Variants in C5orf58 observed in about 807,000 individuals in gnomAD.
The protein encoded by C5orf58 is putative uncharacterized protein C5orf58.
Under a neutral mutation model 2.9 loss-of-function variants are expected in C5orf58, and 2 were observed. The observed-to-expected ratio is 0.69, with a 90% confidence interval of 0.28 to 2.18. The LOEUF is 2.18. Among genes scored for constraint, C5orf58 ranks in the 30% most tolerant of loss-of-function variants. The probability of loss-of-function intolerance (pLI) is 0.13; values close to 1 mark genes in which losing one functional copy is unlikely to be tolerated. For missense variants in C5orf58, 96 were observed against 91.7 expected, an observed-to-expected ratio of 1.05 and a Z score of -0.19; for synonymous variants, 37 against 33.4, an observed-to-expected ratio of 1.11 and a Z score of -0.37.
rs539128245 is a variant in C5orf58 at position 170,245,835 on chromosome 5, T to A, written c.95-127T>A. 4.4e-6 allele frequency: 4 copies of A among 915,146 alleles called. No individual in the cohort carries two copies. In the African/African-American group the frequency reaches 6.6e-5, roughly 15 times the overall value. The allele number at this position is 915,146 out of a possible 1,614,324, so 56.7% of individuals were successfully genotyped here. A position where few individuals can be genotyped will look rare whatever the true frequency, so the allele number is the denominator to read the frequency against. ...TATTTTAAGTCAGAATGGGACACACTTAAGTTGTGGTTTGATCACTAATCA... is the reference window on the plus strand; with the variant it reads ...TATTTTAAGTCAGAATGGGACACACATAAGTTGTGGTTTGATCACTAATCA... On this transcript the variant is annotated intron_variant, in intron 3 of 3. Coordinates refer to ENST00000593851, the MANE Select transcript of C5orf58 (RefSeq NM_001102609.3).
chr5:170,242,925 ATT>A (rs1761084635), intron 3 of C5orf58, among the ~76,000 whole-genome samples: 3 of 138,872 alleles, frequency 2.2e-5, no homozygotes, highest in Admixed American at 2.2e-4. Context: ...AGTGCTATAA[ATT>A]TCCCTCTACA....
downstream of C5orf58, chr5:170,248,579 T>G: frequency 1.9e-6 from 2 of 1,025,994 alleles, no homozygotes; most frequent in East Asian, 5.0e-5. Flanking sequence ...GATAAAACCC[T>G]TGTGTTCATG....
intron 3 of C5orf58, among the ~76,000 whole-genome samples, chr5:170,242,412 C>T (rs1247462748): frequency 8.1e-6 from 1 of 123,714 alleles, no homozygotes; most frequent in Admixed American, 8.4e-5. Flanking sequence ...TGGTCCTGGA[C>T]TCTTTTTGGT....
At chr5:170,248,369 C>T (rs1160333437), downstream of C5orf58, 1 of 212,804 alleles carries the variant, frequency 4.7e-6, no homozygotes, top group Non-Finnish European at 9.4e-6. Context: ...TAAAACTTGC[C>T]CCAAATTGTT....
downstream of C5orf58, chr5:170,247,197 T>C (rs897932250): frequency 6.6e-6 from 1 of 152,212 alleles, no homozygotes; most frequent in Non-Finnish European, 1.5e-5. Context: ...ACTTGCTGAA[T>C]AGCCCGTTGT....
intron 3 of C5orf58, among the ~76,000 whole-genome samples, chr5:170,242,994 T>C (rs1197541090): frequency 6.9e-6 from 1 of 145,250 alleles, no homozygotes; most frequent in African/African-American, 2.6e-5. Context: ...TTCTCGTTGG[T>C]TTCAAAGAAC....
chr5:170,246,367 G>A, downstream of C5orf58: 1 of 276,062 alleles, frequency 3.6e-6, no homozygotes. Flanking sequence ...GGCTCAGGTT[G>A]AAAGAGAGCT....
chr5:170,249,462 C>G (rs377556287), downstream of C5orf58, among the ~76,000 whole-genome samples: 7 of 151,590 alleles, frequency 4.6e-5, no homozygotes, highest in African/African-American at 1.7e-4. Context: ...TAAATAGTCA[C>G]TATTACAATA....
rs369172790 is a variant in C5orf58 at position 170,246,128 on chromosome 5, T to G, written c.*15T>G. 1.9e-6 allele frequency: 3 copies of G among 1,598,480 alleles called. No individual in the cohort carries two copies. Among genetic ancestry groups the G allele is most frequent in the African/African-American group, 1.3e-5 (1 of 74,370 alleles). ...TTTCTATCTGATTTCTTATTTGTTA[T>G]GAGTTTCTGTTTTATTGTTGAACTA... On this transcript the variant is annotated 3_prime_UTR_variant, in exon 4 of 4. Transcript: ENST00000593851.
chr5:170,233,656 A>T (rs1055443376), intron 1 of C5orf58: 2 of 166,130 alleles, frequency 1.2e-5, no homozygotes, highest in Non-Finnish European at 1.3e-5. Flanking sequence ...TGGCCCCTAC[A>T]GTCTGGTCTC....
chr5:170,233,944 G>C, intron 1 of C5orf58, 171 bp from the exon 2 acceptor site: 1 of 371,200 alleles, frequency 2.7e-6, no homozygotes. Context: ...CCTTGTTTTT[G>C]AAGTTCTTTA....
chr5:170,237,638 G>A (rs1163047957), intron 3 of C5orf58, among the ~76,000 whole-genome samples: 1 of 152,146 alleles, frequency 6.6e-6, no homozygotes, highest in African/African-American at 2.4e-5. Flanking sequence ...TCAATTCATG[G>A]TGGCACCAGG....
intron 3 of C5orf58, 85 bp downstream of exon 3, chr5:170,235,155 G>C: frequency 1.4e-6 from 1 of 709,200 alleles, no homozygotes; most frequent in Middle Eastern, 2.4e-4. Context: ...TGGGGTATAA[G>C]TAAATTTTGC....
chr5:170,248,689 AT>A (rs80044664), downstream of C5orf58: 812,716 of 1,610,842 alleles, frequency 0.5, 206,226 homozygotes, highest in Non-Finnish European at 0.52. Flanking sequence ...TTGCTCGGCT[AT>A]AACTTGCTAT....
rs534197817 is a variant in C5orf58 at position 170,245,148 on chromosome 5, G to C, written c.95-814G>C. On this transcript the variant is annotated intron_variant, in intron 3 of 3. Coordinates refer to ENST00000593851, the MANE Select transcript of C5orf58 (RefSeq NM_001102609.3). The stretch of plus-strand genomic sequence containing the variant: ...TGCCCGTTCTCAGATCTCCAGCTGC[G>C]TGCTGGGAGAACCACTGCTCTCTTC... 2.5e-3 allele frequency among the ~76,000 whole-genome samples: 379 copies of C among 152,268 alleles called. 7 individuals are homozygous for C. In the East Asian group the frequency reaches 0.053, roughly 21 times the overall value.
intron 3 of C5orf58, among the ~76,000 whole-genome samples, chr5:170,241,590 G>A (rs994869268): frequency 2.4e-4 from 36 of 151,440 alleles, no homozygotes; most frequent in African/African-American, 8.8e-4. Flanking sequence ...TCTGTTATTG[G>A]TGTATAAGAA....
chr5:170,241,670 A>AT (rs1761014192), intron 3 of C5orf58, among the ~76,000 whole-genome samples: 1 of 149,422 alleles, frequency 6.7e-6, no homozygotes, highest in South Asian at 2.1e-4. Context: ...GCTTAAGGAG[A>AT]TTTTGGGCTG....
intron 3 of C5orf58, among the ~76,000 whole-genome samples, chr5:170,242,094 A>G (rs1298886734): frequency 1.4e-5 from 2 of 147,924 alleles, no homozygotes; most frequent in Admixed American, 1.3e-4. Flanking sequence ...TGATTTGCAT[A>G]TATTGAACCA....
chr5:170,241,691 G>C (rs1178225284), intron 3 of C5orf58, among the ~76,000 whole-genome samples: 3 of 147,358 alleles, frequency 2.0e-5, no homozygotes, highest in African/African-American at 7.7e-5. Context: ...AGACGATGGG[G>C]TTTTCTAGAT....
Sources: allele counts gnomAD v4.1 joint callset (sites outside exome capture counted in the v4.1 genomes callset), GRCh38; gene constraint gnomAD v4.1.1; transcripts MANE v1.5; gene names NCBI Gene and HGNC (gene_info 2026-07-23, HGNC 2026-07-21).